Variants in CPA6 observed in about 807,000 individuals in gnomAD.
CPA6 encodes the protein carboxypeptidase B.
Under a neutral mutation model 63.3 loss-of-function variants are expected in CPA6, and 58 were observed. The observed-to-expected ratio is 0.92, with a 90% CI of 0.74 to 1.14. CPA6 has a LOEUF of 1.14. Ranked by LOEUF, CPA6 falls within the 50% of genes most tolerant of loss-of-function variation. The pLI, the probability that CPA6 is intolerant of heterozygous loss-of-function variation, is 0.00. For synonymous variants in CPA6, 185 were observed against 179.0 expected, an observed-to-expected ratio of 1.03 and a Z score of -0.27; for missense variants, 565 against 526.6, an observed-to-expected ratio of 1.07 and a Z score of -0.71.
chr8:67,579,137 G>C (rs528628035), intron 2 of CPA6, among the ~76,000 whole-genome samples: 2 of 152,174 alleles, frequency 1.3e-5, no homozygotes, highest in East Asian at 3.9e-4. Context: ...TAGGCTGGGC[G>C]TGGTGGCTCA....
intron 1 of CPA6, among the ~76,000 whole-genome samples, chr8:67,633,498 G>A (rs1412356202): frequency 6.6e-6 from 1 of 152,084 alleles, no homozygotes; most frequent in Non-Finnish European, 1.5e-5. Context: ...TGGCTAACAT[G>A]GTGAAACCTC....
chr8:67,427,246 C>T (rs1302150437), intron 10 of CPA6, among the ~76,000 whole-genome samples: 2 of 152,090 alleles, frequency 1.3e-5, no homozygotes, highest in Admixed American at 6.5e-5. Context: ...TTACATACCC[C>T]CTATTTATTT....
intron 1 of CPA6, among the ~76,000 whole-genome samples, chr8:67,671,995 A>G (rs1563386660): frequency 2.0e-5 from 3 of 151,864 alleles, no homozygotes; most frequent in African/African-American, 7.3e-5. Context: ...ACAGCCAGCT[A>G]ATTTTTGTAT....
chr8:67,504,200 C>G (rs375264126), intron 6 of CPA6, among the ~76,000 whole-genome samples: 8 of 152,302 alleles, frequency 5.3e-5, no homozygotes, highest in African/African-American at 1.9e-4. Context: ...ATCTGAGGCT[C>G]TATCAGGATC....
intron 2 of CPA6, among the ~76,000 whole-genome samples, chr8:67,602,451 T>TA (rs2128983446): frequency 6.6e-6 from 1 of 152,344 alleles, no homozygotes; most frequent in South Asian, 2.1e-4. Flanking sequence ...TCCAACTTTT[T>TA]ATAAGTCCAT....
intron 8 of CPA6, among the ~76,000 whole-genome samples, chr8:67,438,805 G>C (rs1329600311): frequency 6.6e-6 from 1 of 151,924 alleles, no homozygotes; most frequent in African/African-American, 2.4e-5. Context: ...GCAAAAGCAT[G>C]CTAAATTGTT....
intron 8 of CPA6, among the ~76,000 whole-genome samples, chr8:67,473,640 T>G (rs530297125): frequency 6.6e-6 from 1 of 152,348 alleles, no homozygotes; most frequent in East Asian, 1.9e-4. Flanking sequence ...GGTCTCACTC[T>G]GTCACCCAGG....
chr8:67,457,666 C>A (rs1008447544), intron 8 of CPA6, among the ~76,000 whole-genome samples: 4 of 151,448 alleles, frequency 2.6e-5, no homozygotes, highest in Non-Finnish European at 5.9e-5. Flanking sequence ...TTTTCTATAA[C>A]CAAAATAGAT....
intron 1 of CPA6, among the ~76,000 whole-genome samples, chr8:67,680,455 G>C (rs765570445): frequency 1.3e-5 from 2 of 150,612 alleles, no homozygotes; most frequent in Non-Finnish European, 2.9e-5. Context: ...CTGCACTCCA[G>C]CTGCCTGGGC....
At chr8:67,552,697 C>G (rs896454862) in intron 2 of CPA6, among the ~76,000 whole-genome samples, 1 of 136,260 alleles carries the variant, frequency 7.3e-6, no homozygotes, top group Non-Finnish European at 1.5e-5. Flanking sequence ...GGCATGAACC[C>G]GGGAGGCAGA....
At chr8:67,475,918 CTTTCTTTCTT>C (rs1280990668) in intron 8 of CPA6, among the ~76,000 whole-genome samples, 2 of 89,952 alleles carry the variant, frequency 2.2e-5, no homozygotes, top group Admixed American at 2.3e-4. Context: ...TTCTTTCTTT[CTTTCTTTCTT>C]TCTTTCTCTT....
At chr8:67,692,997 C>A (rs1946270464) in intron 1 of CPA6, among the ~76,000 whole-genome samples, 1 of 152,126 alleles carries the variant, frequency 6.6e-6, no homozygotes, top group South Asian at 2.1e-4. Flanking sequence ...GGAAGAGAAA[C>A]CTGAACAAAA....
intron 1 of CPA6, among the ~76,000 whole-genome samples, chr8:67,738,671 A>C (rs1817858470): frequency 6.6e-6 from 1 of 152,252 alleles, no homozygotes; most frequent in South Asian, 2.1e-4. Flanking sequence ...GAAGAGAAAC[A>C]CTTAGAAGTT....
chr8:67,740,180 A>T (rs953587470), intron 1 of CPA6, among the ~76,000 whole-genome samples: 1 of 152,242 alleles, frequency 6.6e-6, no homozygotes, highest in African/African-American at 2.4e-5. Context: ...CCAGAACAGC[A>T]GGTGCAAACT....
intron 2 of CPA6, among the ~76,000 whole-genome samples, chr8:67,567,957 C>T (rs1317250000): frequency 6.6e-6 from 1 of 151,834 alleles, no homozygotes; most frequent in Non-Finnish European, 1.5e-5. Context: ...GGAGGTGAGG[C>T]CCACAGAGAT....
Position 67,567,658 on chromosome 8 carries a change from G to A in CPA6, c.193-49611C>T, listed in dbSNP as rs1425902977. ...GGGAATAAATCTGAACCACTTGTGT[G>A]TTCCATGGAATTGAATAAAAATCTA... On this transcript the variant is annotated intron_variant, in intron 2 of 10. Coordinates refer to ENST00000297770, the MANE Select transcript of CPA6 (RefSeq NM_020361.5). Among the ~76,000 whole-genome samples, 5 of 152,332 alleles carry A rather than the reference G, an allele frequency of 3.3e-5. No homozygotes were observed. The East Asian group carries it at 9.6e-4, about 29-fold the overall frequency.
chr8:67,422,993 T>C (rs1330983461), intron 10 of CPA6, among the ~76,000 whole-genome samples: 2 of 152,238 alleles, frequency 1.3e-5, no homozygotes, highest in African/African-American at 4.8e-5. Flanking sequence ...CATTCACCTA[T>C]AAACAACCTA....
At chr8:67,521,505 T>C (rs543726948) in intron 2 of CPA6, among the ~76,000 whole-genome samples, 1 of 152,322 alleles carries the variant, frequency 6.6e-6, no homozygotes, top group East Asian at 1.9e-4. Flanking sequence ...GAGGGTCACA[T>C]AGTAGGAGCT....
intron 6 of CPA6, among the ~76,000 whole-genome samples, chr8:67,496,519 T>TTA (rs1163959938): frequency 0.049 from 4,636 of 93,826 alleles, 96 homozygotes; most frequent in African/African-American, 0.074. Flanking sequence ...ACTATATAGT[T>TTA]TATATATATA....
Sources: gnomAD v4.1 joint callset for allele counts (sites outside exome capture counted in the v4.1 genomes callset) on GRCh38, gnomAD v4.1.1 for gene constraint, MANE v1.5 for transcripts, NCBI Gene and HGNC (gene_info 2026-07-23, HGNC 2026-07-21) for gene names.